AMMECR1: variants seen among roughly 807,000 people sequenced by gnomAD.
The protein encoded by AMMECR1 is AMMECR nuclear protein 1.
A neutral mutation model predicts 22.5 loss-of-function variants in AMMECR1; 3 were observed. The ratio of observed to expected loss-of-function variants is 0.13; its 90% CI spans 0.06 to 0.35. The LOEUF is 0.35. Among genes scored for constraint, AMMECR1 ranks in the 10% least tolerant of loss-of-function variants. The pLI, the probability that AMMECR1 is intolerant of heterozygous loss-of-function variation, is 1.00. For synonymous variants in AMMECR1, 130 were observed against 116.7 expected (o/e 1.11, Z -0.74); for missense variants, 235 against 278.7 (o/e 0.84, Z 1.12).
upstream of AMMECR1, among the ~76,000 whole-genome samples, chrX:110,320,075 C>T (rs957747186): frequency 8.0e-5 from 9 of 111,993 alleles, no homozygotes; most frequent in Non-Finnish European, 1.3e-4. Flanking sequence ...TTTAATTGGT[C>T]GGTGATATGT....
chrX:110,264,385 C>T, intron 2 of AMMECR1, 104 bp downstream of exon 2: 3 of 471,848 alleles, frequency 6.4e-6, no homozygotes, highest in Non-Finnish European at 1.1e-5. Flanking sequence ...TGAAGGAAGA[C>T]AAGAACGTTG....
At chrX:110,398,492 A>G (rs1202188148) in intron 2 of AMMECR1, among the ~76,000 whole-genome samples, 1 of 112,409 alleles carries the variant, frequency 8.9e-6, no homozygotes, top group African/African-American at 3.2e-5. Flanking sequence ...GAGAATCCCT[A>G]TGCATCCTTC....
chrX:110,340,254 G>A (rs1207787523), intron 2 of AMMECR1, among the ~76,000 whole-genome samples: 1 of 111,376 alleles, frequency 9.0e-6, no homozygotes, highest in Non-Finnish European at 1.9e-5. Context: ...CCTGACATAC[G>A]GTAAACACTC....
intron 5 of AMMECR1, 115 bp downstream of exon 5, chrX:110,200,839 C>T (rs965889691): frequency 1.9e-6 from 1 of 518,069 alleles, no homozygotes; most frequent in South Asian, 3.1e-5. Flanking sequence ...CCATTCATTT[C>T]CACTCTGTTT....
chrX:110,267,569 T>C (rs939371814), intron 1 of AMMECR1, among the ~76,000 whole-genome samples: 1 of 111,416 alleles, frequency 9.0e-6, no homozygotes, highest in Non-Finnish European at 1.9e-5. Flanking sequence ...CAATGTAATA[T>C]AGATAATAGC....
intron 2 of AMMECR1, among the ~76,000 whole-genome samples, chrX:110,354,277 A>G (rs1428304127): frequency 1.8e-4 from 20 of 112,122 alleles, no homozygotes; most frequent in Non-Finnish European, 2.6e-4. Flanking sequence ...AGCCCTCTGT[A>G]TCCATGGGTT....
At chrX:110,198,800 G>C (rs1352867967) in intron 5 of AMMECR1, among the ~76,000 whole-genome samples, 166 bp from the exon 6 acceptor site, 4 of 111,648 alleles carry the variant, frequency 3.6e-5, no homozygotes, top group African/African-American at 1.3e-4. Context: ...GCAAAGCTAA[G>C]ATCAGAACTT....
At chrX:110,317,555 A>G in intron 1 of AMMECR1, 44 bp downstream of exon 1, 2 of 1,125,856 alleles carry the variant, frequency 1.8e-6, no homozygotes, top group African/African-American at 1.8e-5. Flanking sequence ...TCTGAGCCCC[A>G]TCCCGAGCGC....
rs963410453 is a variant in AMMECR1 at position 110,303,353 on chromosome X, T to C, written c.473+14246A>G. ...CCAGTTGTGCTCTACACTATGGAGG[T>C]GCCTGCCTATTTGAGATGCACGTTG... On this transcript the variant is annotated intron_variant, in intron 1 of 5. Transcript: ENST00000262844. 2.7e-5 allele frequency among the ~76,000 whole-genome samples: 3 copies of C among 111,717 alleles called. No homozygotes were observed. In the East Asian group the frequency reaches 8.3e-4, roughly 31 times the overall value.
intron 1 of AMMECR1, among the ~76,000 whole-genome samples, chrX:110,269,321 C>T (rs1428956234): frequency 9.0e-6 from 1 of 111,547 alleles, no homozygotes; most frequent in Non-Finnish European, 1.9e-5. Context: ...AATATTTTAC[C>T]TTAAACCCTA....
intron 5 of AMMECR1, 22 bp from the exon 6 acceptor site, chrX:110,198,656 GA>G: frequency 3.7e-6 from 4 of 1,094,913 alleles, no homozygotes; most frequent in Non-Finnish European, 5.1e-6. Flanking sequence ...TCAGGGAAGA[GA>G]AAAGTTAACA....
chrX:110,290,239 C>G (rs2067900605), intron 1 of AMMECR1, among the ~76,000 whole-genome samples: 1 of 111,732 alleles, frequency 8.9e-6, no homozygotes, highest in African/African-American at 3.3e-5. Context: ...ACTTGATGAT[C>G]CACTGTGAAC....
chrX:110,274,302 A>G (rs2067814445), intron 1 of AMMECR1, among the ~76,000 whole-genome samples: 1 of 111,712 alleles, frequency 9.0e-6, no homozygotes, highest in Non-Finnish European at 1.9e-5. Context: ...CTATCTCCTC[A>G]CTGATTTTTG....
At chrX:110,342,675 T>C (rs934054151) in intron 2 of AMMECR1, among the ~76,000 whole-genome samples, 112 of 112,313 alleles carry the variant, frequency 1.0e-3, no homozygotes, top group Non-Finnish European at 4.7e-4. Context: ...TGGCCTAAAA[T>C]GCATTTTCTA....
chrX:110,334,236 G>T (rs1343512650), intron 2 of AMMECR1, among the ~76,000 whole-genome samples: 1 of 111,694 alleles, frequency 9.0e-6, no homozygotes, highest in Non-Finnish European at 1.9e-5. Context: ...AAAAAAGAAA[G>T]AAATGTGACA....
At chrX:110,373,727 G>T (rs1054907422) in intron 2 of AMMECR1, among the ~76,000 whole-genome samples, 2 of 111,870 alleles carry the variant, frequency 1.8e-5, no homozygotes, top group Middle Eastern at 4.6e-3. Flanking sequence ...TATGTTTGAA[G>T]GTTTCAAGAT....
intron 3 of AMMECR1, among the ~76,000 whole-genome samples, chrX:110,203,134 T>C (rs1463944892): frequency 8.9e-6 from 1 of 111,776 alleles, no homozygotes; most frequent in Non-Finnish European, 1.9e-5. Context: ...TGACTTAGAG[T>C]GGGGTAGTAG....
intron 2 of AMMECR1, among the ~76,000 whole-genome samples, chrX:110,261,593 T>C (rs1446922542): frequency 1.8e-5 from 2 of 111,640 alleles, no homozygotes; most frequent in Admixed American, 9.5e-5. Flanking sequence ...ATAAGCTTTA[T>C]CCTTAATACA....
intron 1 of AMMECR1, among the ~76,000 whole-genome samples, chrX:110,298,288 T>G (rs2067947841): frequency 8.9e-6 from 1 of 111,802 alleles, no homozygotes; most frequent in Non-Finnish European, 1.9e-5. Flanking sequence ...ATGCATTTCA[T>G]TAGAACACTT....
Sources: gnomAD v4.1 joint callset for allele counts (sites outside exome capture counted in the v4.1 genomes callset) on GRCh38, gnomAD v4.1.1 for gene constraint, MANE v1.5 for transcripts, NCBI Gene and HGNC (gene_info 2026-07-23, HGNC 2026-07-21) for gene names.